Variants in SMAD2 observed in about 807,000 individuals in gnomAD.
SMAD2 encodes SMAD family member 2.
A neutral mutation model predicts 64.4 loss-of-function variants in SMAD2; 8 were observed. The observed-to-expected ratio is 0.12, with a 90% CI of 0.07 to 0.22. The LOEUF (loss-of-function observed/expected upper bound fraction) is 0.22, where lower values mean the gene tolerates loss of function less well. SMAD2 is among the 10% of genes least tolerant of loss of function. SMAD2 has a pLI of 1.00. For synonymous variants in SMAD2, 203 were observed against 195.8 expected, an observed-to-expected ratio of 1.04 and a Z score of -0.31; for missense variants, 289 against 561.2, an observed-to-expected ratio of 0.51 and a Z score of 4.90.
chr18:47,818,652 G>GT lies in SMAD2; in HGVS notation c.*23174dup. On this transcript the variant is annotated 3_prime_UTR_variant, in exon 11 of 11. Transcript: ENST00000262160. Reference sequence around the variant, plus strand: ...AAAAATTCAAGGCCACCTGGAGATTGTTTTTTCTTATACAATTCAGCCAGT... The same window carrying GT: ...AAAAATTCAAGGCCACCTGGAGATTGTTTTTTTCTTATACAATTCAGCCAGT... 6.6e-6 allele frequency: 1 copy of GT among 152,236 alleles called. No individual in the cohort carries two copies. Among genetic ancestry groups the GT allele is most frequent in the South Asian group, 2.1e-4 (1 of 4,826 alleles). The allele number at this position is 152,236 out of a possible 1,614,324, so 9.4% of individuals were successfully genotyped here.
intron 6 of SMAD2, among the ~76,000 whole-genome samples, chr18:47,856,907 G>T (rs1454138641): frequency 1.4e-5 from 2 of 144,734 alleles, no homozygotes; most frequent in Admixed American, 7.0e-5. Flanking sequence ...GCCCAGGCTG[G>T]AGTGCAGTGG....
Position 47,841,642 on chromosome 18 carries a change from A to G in SMAD2, c.*185T>C, listed in dbSNP as rs965280822. On this transcript the variant is annotated 3_prime_UTR_variant, in exon 11 of 11. Transcript: ENST00000262160. ...TAATGGGAGAGTATTTCTAGACACT[A>G]ATTTTCCCATCTAATATTCAAATAT... 3 of 645,882 alleles carry G rather than the reference A, an allele frequency of 4.6e-6. No homozygotes were observed. The Admixed American group carries it at 7.4e-5, about 16-fold the overall frequency. 40.0% of individuals were successfully genotyped at this position (645,882 alleles called of 1,614,324 possible).
intron 1 of SMAD2, among the ~76,000 whole-genome samples, chr18:47,900,755 A>G (rs2144488354): frequency 6.6e-6 from 1 of 152,286 alleles, no homozygotes; most frequent in Middle Eastern, 3.4e-3. Flanking sequence ...GCATTTCAGC[A>G]GCAGCAATCT....
At chr18:47,858,209 A>G (rs1055272286) in intron 6 of SMAD2, among the ~76,000 whole-genome samples, 3 of 152,230 alleles carry the variant, frequency 2.0e-5, no homozygotes, top group African/African-American at 7.2e-5. Flanking sequence ...AAAGCAGGCC[A>G]TGTTACATAT....
At chr18:47,919,489 C>T (rs1034141668) in intron 1 of SMAD2, among the ~76,000 whole-genome samples, 2 of 130,242 alleles carry the variant, frequency 1.5e-5, no homozygotes, top group African/African-American at 2.8e-5. Context: ...CACACACACA[C>T]ACACACACAC....
chr18:47,879,492 T>C (rs999957922), intron 2 of SMAD2, among the ~76,000 whole-genome samples: 2 of 68,938 alleles, frequency 2.9e-5, no homozygotes, highest in South Asian at 6.0e-4. Flanking sequence ...TTAATGTATA[T>C]GACGTGTGTG....
At chr18:47,894,239 T>C (rs971101303) in intron 2 of SMAD2, among the ~76,000 whole-genome samples, 5 of 152,198 alleles carry the variant, frequency 3.3e-5, no homozygotes, top group African/African-American at 1.2e-4. Flanking sequence ...ATCTCTGCTG[T>C]ATCACACAGC....
rs1402658766 is a variant in SMAD2 at position 47,839,165 on chromosome 18, AGAGTT to A, written c.*2657_*2661del. The A allele has an allele frequency of 8.6e-6, 2 of 233,280 alleles. No homozygotes were observed. The highest frequency in any genetic ancestry group is 2.2e-5 in the African/African-American group (1 of 45,356). 14.5% of individuals were successfully genotyped at this position (233,280 alleles called of 1,614,324 possible). On this transcript the variant is annotated 3_prime_UTR_variant, in exon 11 of 11. Transcript: ENST00000262160. Reference sequence around the variant, plus strand: ...ATAACTGCTCAATAGGTGTTTTCAAAGAGTTGAGTCCCAATTTCATACTGTACAGA... The same window carrying A: ...ATAACTGCTCAATAGGTGTTTTCAAAGAGTCCCAATTTCATACTGTACAGA...
Position 47,840,364 on chromosome 18 carries a change from A to G in SMAD2, c.*1463T>C, listed in dbSNP as rs1418680802. ...AAACTGCAATGAGTCAACATCAGAC[A>G]TAATAATTATTTGCTGCAGAATGAA... On this transcript the variant is annotated 3_prime_UTR_variant, in exon 11 of 11. Transcript: ENST00000262160. 1.7e-5 allele frequency: 4 copies of G among 232,810 alleles called. 1 individual carries two copies. The highest frequency in any genetic ancestry group is 3.4e-5 in the Non-Finnish European group (4 of 117,882). 14.4% of individuals were successfully genotyped at this position (232,810 alleles called of 1,614,324 possible). A position where few individuals can be genotyped will look rare whatever the true frequency, so the allele number is the denominator to read the frequency against.
chr18:47,874,534 T>G (rs947490745), intron 2 of SMAD2, among the ~76,000 whole-genome samples: 2 of 151,776 alleles, frequency 1.3e-5, no homozygotes, highest in Non-Finnish European at 2.9e-5. Context: ...TATAAAAAAT[T>G]TACCTGAAAA....
intron 1 of SMAD2, among the ~76,000 whole-genome samples, chr18:47,906,837 C>T (rs938914302): frequency 3.3e-5 from 5 of 152,070 alleles, no homozygotes; most frequent in African/African-American, 4.8e-5. Context: ...CTGCTTCCAT[C>T]GTCACACTGC....
rs993129037 is a variant in SMAD2 at position 47,830,443 on chromosome 18, G to A, written c.*11384C>T. Reference sequence around the variant, plus strand: ...AATACAAAAAGTAGTTGGGCGTGGTGGTGTGTGCCTGTAATCCCAGCTACT... The same window carrying A: ...AATACAAAAAGTAGTTGGGCGTGGTAGTGTGTGCCTGTAATCCCAGCTACT... On this transcript the variant is annotated 3_prime_UTR_variant, in exon 11 of 11. Coordinates refer to ENST00000262160, the MANE Select transcript of SMAD2 (RefSeq NM_005901.6). The A allele has an allele frequency of 3.3e-5, 5 of 151,910 alleles. No homozygotes were observed. The highest frequency in any genetic ancestry group is 1.2e-4 in the African/African-American group (5 of 41,336). 9.4% of individuals were successfully genotyped at this position (151,910 alleles called of 1,614,324 possible). A position where few individuals can be genotyped will look rare whatever the true frequency, so the allele number is the denominator to read the frequency against.
At chr18:47,907,247 T>C (rs897042532) in intron 1 of SMAD2, among the ~76,000 whole-genome samples, 2 of 152,184 alleles carry the variant, frequency 1.3e-5, no homozygotes, top group African/African-American at 4.8e-5. Context: ...AGTAGCCATG[T>C]TAATAATCGC....
chr18:47,910,241 AAC>A (rs1413285695), intron 1 of SMAD2, among the ~76,000 whole-genome samples: 3 of 152,158 alleles, frequency 2.0e-5, no homozygotes, highest in African/African-American at 7.2e-5. Flanking sequence ...TTCAAGGGCT[AAC>A]AGACTCCACA....
At chr18:47,894,038 G>C (rs1390762974) in intron 2 of SMAD2, among the ~76,000 whole-genome samples, 1 of 152,192 alleles carries the variant, frequency 6.6e-6, no homozygotes, top group Non-Finnish European at 1.5e-5. Flanking sequence ...AAAAGAGGCT[G>C]TAAAAAGAAT....
At chr18:47,900,442 C>T (rs752234295) in intron 1 of SMAD2, among the ~76,000 whole-genome samples, 9 of 152,082 alleles carry the variant, frequency 5.9e-5, no homozygotes, top group Non-Finnish European at 8.8e-5. Flanking sequence ...CTGTAGGATC[C>T]GTAGTGATGT....
At chr18:47,901,314 A>G (rs2033676552) in intron 1 of SMAD2, among the ~76,000 whole-genome samples, 2 of 152,132 alleles carry the variant, frequency 1.3e-5, no homozygotes, top group South Asian at 4.1e-4. Context: ...CCTGATTGGT[A>G]TAGCCACACT....
intron 2 of SMAD2, among the ~76,000 whole-genome samples, chr18:47,889,875 G>A (rs1378306192): frequency 6.6e-6 from 1 of 152,108 alleles, no homozygotes; most frequent in African/African-American, 2.4e-5. Flanking sequence ...CTTTCCTGAA[G>A]CTAATATGTT....
intron 10 of SMAD2, among the ~76,000 whole-genome samples, chr18:47,844,719 G>A (rs1914323468): frequency 6.6e-6 from 1 of 152,086 alleles, no homozygotes; most frequent in Non-Finnish European, 1.5e-5. Flanking sequence ...TGCAACGATG[G>A]CAATTTCATA....
Sources: gnomAD v4.1 joint callset for allele counts (sites outside exome capture counted in the v4.1 genomes callset) on GRCh38, gnomAD v4.1.1 for gene constraint, MANE v1.5 for transcripts, NCBI Gene and HGNC (gene_info 2026-07-23, HGNC 2026-07-21) for gene names.